The following PTPN9 variants were observed in gnomAD, a reference collection of about 807,000 sequenced individuals.
PTPN9 encodes tyrosine-protein phosphatase non-receptor type 9.
Under a neutral mutation model 69.8 loss-of-function variants are expected in PTPN9, and 26 were observed. The observed-to-expected ratio is 0.37, with a 90% CI of 0.27 to 0.52. The LOEUF (loss-of-function observed/expected upper bound fraction) is 0.52, where lower values mean the gene tolerates loss of function less well. Ranked by LOEUF, PTPN9 falls within the 20% of genes least tolerant of loss-of-function variation. PTPN9 has a pLI of 0.91. For missense variants in PTPN9, 549 were observed against 740.3 expected, an observed-to-expected ratio of 0.74 and a Z score of 3.00; for synonymous variants, 274 against 272.5, an observed-to-expected ratio of 1.01 and a Z score of -0.05.
In PTPN9 at chr15:75,541,556, G is replaced by A. The variant is rs1055952164; in HGVS notation, c.64-14295C>T. On this transcript the variant is annotated intron_variant, in intron 1 of 12. Coordinates refer to ENST00000618819, the MANE Select transcript of PTPN9 (RefSeq NM_002833.4). Reference sequence around the variant, plus strand: ...CCAGTAGCTGTAACTACAGGTGCGCGCCACCATGCCTGGCTAATTTTTTGT... The same window carrying A: ...CCAGTAGCTGTAACTACAGGTGCGCACCACCATGCCTGGCTAATTTTTTGT... 4.7e-4 allele frequency among the ~76,000 whole-genome samples: 71 copies of A among 151,530 alleles called. 1 individual carries two copies. Among genetic ancestry groups the A allele is most frequent in the Non-Finnish European group, 1.5e-4 (10 of 67,928 alleles).
intron 3 of PTPN9, among the ~76,000 whole-genome samples, 188 bp downstream of exon 3, chr15:75,524,021 G>C (rs980712824): frequency 2.0e-5 from 3 of 151,082 alleles, no homozygotes; most frequent in African/African-American, 7.3e-5. Context: ...CGAGTTAATG[G>C]GTGCAGCACA....
chr15:75,526,801 A>G (rs921682040), intron 2 of PTPN9, among the ~76,000 whole-genome samples: 6 of 152,318 alleles, frequency 3.9e-5, no homozygotes, highest in South Asian at 2.1e-4. Flanking sequence ...CCAGAGGCCA[A>G]TGAAAAGAGC....
intron 8 of PTPN9, among the ~76,000 whole-genome samples, chr15:75,484,501 G>T (rs1198399949): frequency 1.3e-5 from 2 of 152,110 alleles, no homozygotes; most frequent in South Asian, 4.2e-4. Context: ...CTCTCTTCCA[G>T]GGTATTCTCC....
intron 1 of PTPN9, among the ~76,000 whole-genome samples, chr15:75,554,005 CT>C (rs72050060): frequency 0.029 from 3,638 of 125,302 alleles, 74 homozygotes; most frequent in East Asian, 0.1. Flanking sequence ...TACTTTCTTT[CT>C]TTTTTTTTTT....
intron 1 of PTPN9, among the ~76,000 whole-genome samples, chr15:75,539,040 A>G (rs2074997064): frequency 6.6e-6 from 1 of 152,066 alleles, no homozygotes. Context: ...GAAAGAAAGA[A>G]AGAAAATGAA....
In PTPN9 at chr15:75,523,013, G is replaced by C. The variant is rs1025742273; in HGVS notation, c.422+108C>G. 6 of 1,317,038 alleles carry C rather than the reference G, an allele frequency of 4.6e-6. No homozygotes were observed. In the South Asian group the frequency reaches 6.8e-5, roughly 15 times the overall value. 81.6% of individuals were successfully genotyped at this position (1,317,038 alleles called of 1,614,324 possible). A position where few individuals can be genotyped will look rare whatever the true frequency, so the allele number is the denominator to read the frequency against. On this transcript the variant is annotated intron_variant, in intron 4 of 12. Transcript: ENST00000618819. Reference sequence around the variant, plus strand: ...TGTTTTCTATTCATAGCATTGCCCAGGGCACATCCTAGGAGAATGGCGAAG... The same window carrying C: ...TGTTTTCTATTCATAGCATTGCCCACGGCACATCCTAGGAGAATGGCGAAG...
chr15:75,533,635 A>G (rs1312223561), intron 1 of PTPN9, among the ~76,000 whole-genome samples: 35 of 152,198 alleles, frequency 2.3e-4, no homozygotes, highest in Non-Finnish European at 7.3e-5. Flanking sequence ...CCATGTTTAA[A>G]TAAATAAAAA....
At chr15:75,513,736 C>T (rs1324487421) in intron 5 of PTPN9, among the ~76,000 whole-genome samples, 1 of 151,694 alleles carries the variant, frequency 6.6e-6, no homozygotes, top group African/African-American at 2.4e-5. Context: ...CATTGCGCTT[C>T]AGCCTGGGGG....
intron 1 of PTPN9, among the ~76,000 whole-genome samples, chr15:75,576,730 C>T (rs373728292): frequency 8.5e-5 from 13 of 152,138 alleles, no homozygotes; most frequent in African/African-American, 1.9e-4. Context: ...ATCGTTTGAA[C>T]CCTGGAGGCA....
intron 1 of PTPN9, among the ~76,000 whole-genome samples, chr15:75,533,409 G>A (rs1304397031): frequency 2.0e-5 from 3 of 151,920 alleles, no homozygotes; most frequent in African/African-American, 7.3e-5. Flanking sequence ...ACATGCACAC[G>A]TCACCATGCC....
At chr15:75,472,496 T>C (rs1260225092) in intron 10 of PTPN9, among the ~76,000 whole-genome samples, 1 of 147,832 alleles carries the variant, frequency 6.8e-6, no homozygotes. Context: ...AAAATAAAAA[T>C]AAAATAAAAT....
At chr15:75,551,728 T>G (rs1474329187) in intron 1 of PTPN9, among the ~76,000 whole-genome samples, 1 of 152,144 alleles carries the variant, frequency 6.6e-6, no homozygotes, top group Non-Finnish European at 1.5e-5. Flanking sequence ...CAATTTATGA[T>G]GGTCTGACTT....
intron 1 of PTPN9, among the ~76,000 whole-genome samples, chr15:75,548,196 T>C (rs1394115064): frequency 6.6e-6 from 1 of 152,160 alleles, no homozygotes; most frequent in Admixed American, 6.6e-5. Context: ...TTATAACCAC[T>C]GTATTACAGT....
intron 7 of PTPN9, among the ~76,000 whole-genome samples, chr15:75,500,959 T>G (rs925829305): frequency 7.3e-5 from 11 of 151,700 alleles, no homozygotes; most frequent in Non-Finnish European, 8.8e-5. Context: ...AAAATAGGGG[T>G]CTGGAGCTGG....
Position 75,490,277 on chromosome 15 carries a change from G to C in PTPN9, c.993C>G (p.Asn331Lys). 1 of 1,613,436 alleles carries C rather than the reference G, an allele frequency of 6.2e-7. No homozygotes were observed. Among genetic ancestry groups the C allele is most frequent in the Non-Finnish European group, 8.5e-7 (1 of 1,179,402 alleles). Residue 331 changes from asparagine to lysine, a missense_variant, in exon 8 of 13, where the codon AAC (asparagine) becomes AAG (lysine). Around this residue, in one of 3 missense-constraint regions of PTPN9, gnomAD observed 457 missense variants for 661.9 expected, o/e 0.69. Coordinates refer to ENST00000618819, the MANE Select transcript of PTPN9 (RefSeq NM_002833.4). Reference sequence around the variant, plus strand: ...CCAGGCAGGGTACATCCCCATAACGGTTTTTCTCTAGGTTTCCTGGAGACC... The same window carrying C: ...CCAGGCAGGGTACATCCCCATAACGCTTTTTCTCTAGGTTTCCTGGAGACC... The part of the protein sequence containing the change: ...CSMSPGNLEK[N>K]RYGDVPCLDQ...
At chr15:75,577,124 G>A (rs1645488201) in intron 1 of PTPN9, among the ~76,000 whole-genome samples, 1 of 152,174 alleles carries the variant, frequency 6.6e-6, no homozygotes, top group Admixed American at 6.5e-5. Context: ...AAACACATCT[G>A]TATATATGTG....
At chr15:75,524,500 G>A (rs117261256) in intron 2 of PTPN9, among the ~76,000 whole-genome samples, 1,951 of 152,110 alleles carry the variant, frequency 0.013, 151 homozygotes, top group Admixed American at 0.11. Context: ...TAAATGGGCC[G>A]GGCGCAGTGG....
At chr15:75,570,512 G>A (rs1302991007) in intron 1 of PTPN9, among the ~76,000 whole-genome samples, 2 of 152,156 alleles carry the variant, frequency 1.3e-5, no homozygotes, top group African/African-American at 2.4e-5. Flanking sequence ...GCTCATGCCT[G>A]TAATCCCAAC....
chr15:75,495,588 G>T (rs2074735808), intron 7 of PTPN9, among the ~76,000 whole-genome samples: 2 of 151,924 alleles, frequency 1.3e-5, no homozygotes, highest in African/African-American at 4.8e-5. Context: ...AAGGTGGCAG[G>T]TGCCTATAAT....
Sources: gnomAD v4.1 joint callset for allele counts (sites outside exome capture counted in the v4.1 genomes callset) on GRCh38, gnomAD v4.1.1 for gene constraint, gnomAD v4.1.1 regional missense constraint, MANE v1.5 for transcripts, NCBI Gene and HGNC (gene_info 2026-07-23, HGNC 2026-07-21) for gene names.